IQCM: variants seen among roughly 807,000 people sequenced by gnomAD.
IQCM encodes the protein IQ domain-containing protein M.
In IQCM, 45 loss-of-function variants were observed where a neutral mutation model predicts 57.6. The ratio of observed to expected loss-of-function variants is 0.78; its 90% confidence interval spans 0.62 to 1.00. The LOEUF (loss-of-function observed/expected upper bound fraction) is 1.00. IQCM is among the 50% of genes least tolerant of loss of function. The pLI is 0.00. For synonymous variants in IQCM, 148 were observed against 158.9 expected, an observed-to-expected ratio of 0.93 and a Z score of 0.51; for missense variants, 468 against 511.6, an observed-to-expected ratio of 0.91 and a Z score of 0.82.
chr4:149,498,571 A>G (rs1227084736), intron 12 of IQCM, among the ~76,000 whole-genome samples: 2 of 152,126 alleles, frequency 1.3e-5, no homozygotes, highest in Non-Finnish European at 2.9e-5. Flanking sequence ...AGGAACTAAG[A>G]GGGGCTATGT....
chr4:149,368,779 T>TAC (rs1730035237), intron 13 of IQCM, among the ~76,000 whole-genome samples: 1 of 118,522 alleles, frequency 8.4e-6, no homozygotes, highest in Admixed American at 9.1e-5. Flanking sequence ...TACATATATA[T>TAC]ACATGTATAT....
chr4:149,642,812 T>C (rs904630716), intron 7 of IQCM, among the ~76,000 whole-genome samples: 1 of 152,156 alleles, frequency 6.6e-6, no homozygotes, highest in African/African-American at 2.4e-5. Flanking sequence ...AGTCTACTGG[T>C]TCATAAAATT....
intron 12 of IQCM, among the ~76,000 whole-genome samples, chr4:149,507,970 T>TA (rs903782513): frequency 2.6e-5 from 4 of 151,482 alleles, no homozygotes; most frequent in Admixed American, 6.6e-5. Flanking sequence ...CAGCTATAAC[T>TA]AAAAGGAGCC....
chr4:149,386,678 G>A (rs920299149), intron 13 of IQCM, among the ~76,000 whole-genome samples: 1 of 151,796 alleles, frequency 6.6e-6, no homozygotes, highest in African/African-American at 2.4e-5. Context: ...CAGTGTGTTT[G>A]GTTATGTCTT....
chr4:149,697,894 T>C (rs933507685), intron 5 of IQCM, among the ~76,000 whole-genome samples: 1 of 152,148 alleles, frequency 6.6e-6, no homozygotes, highest in Non-Finnish European at 1.5e-5. Context: ...TGGTATGTTA[T>C]GAGTTCTTTA....
intron 2 of IQCM, among the ~76,000 whole-genome samples, chr4:149,759,077 G>A (rs1033776781): frequency 5.5e-4 from 83 of 152,100 alleles, no homozygotes; most frequent in African/African-American, 1.5e-3. Flanking sequence ...ATTATTACTC[G>A]GTGCTAAAAA....
chr4:149,696,677 T>C (rs955298478), intron 5 of IQCM, among the ~76,000 whole-genome samples: 10 of 152,306 alleles, frequency 6.6e-5, no homozygotes, highest in African/African-American at 2.4e-4. Context: ...CTCTTGCTTA[T>C]GGTCCTTTGA....
intron 9 of IQCM, among the ~76,000 whole-genome samples, chr4:149,582,352 ATATATATATATATATATT>A (rs1752288137): frequency 2.5e-5 from 1 of 39,380 alleles, no homozygotes; most frequent in African/African-American, 8.1e-5. Context: ...ATATATATAT[ATATATATATATATATATT>A]TAGTTGAAAT....
In IQCM at chr4:149,809,751, G is replaced by A. The variant is rs560107276; in HGVS notation, c.-49+5560C>T. Among the ~76,000 whole-genome samples, 28 of 152,150 alleles carry A rather than the reference G, an allele frequency of 1.8e-4. No homozygotes were observed. The South Asian group carries it at 2.1e-3, about 11-fold the overall frequency. On this transcript the variant is annotated intron_variant, in intron 2 of 13. Coordinates refer to ENST00000636793, the MANE Select transcript of IQCM (RefSeq NM_001363507.2). ...ATGATGCATGAGAGGCATTACTTACGGAGTGGGAGCTATTTTGATCATAAA... is the reference window on the plus strand; with the variant it reads ...ATGATGCATGAGAGGCATTACTTACAGAGTGGGAGCTATTTTGATCATAAA...
chr4:149,398,392 T>C (rs1297975367), intron 13 of IQCM, among the ~76,000 whole-genome samples: 1 of 152,062 alleles, frequency 6.6e-6, no homozygotes, highest in Non-Finnish European at 1.5e-5. Context: ...TCTTTTTCTG[T>C]GAAAAATGTC....
At chr4:149,784,771 A>G (rs1416826256) in intron 2 of IQCM, among the ~76,000 whole-genome samples, 2 of 152,162 alleles carry the variant, frequency 1.3e-5, no homozygotes, top group Non-Finnish European at 1.5e-5. Context: ...TGAATGCTGT[A>G]TTGTCTCATT....
At chr4:149,487,755 T>C (rs905368201) in intron 12 of IQCM, among the ~76,000 whole-genome samples, 3 of 152,160 alleles carry the variant, frequency 2.0e-5, no homozygotes, top group African/African-American at 4.8e-5. Flanking sequence ...CACTGCACTC[T>C]CCTTCCTTAA....
At chr4:149,582,316 AT>A (rs1422004960) in intron 9 of IQCM, among the ~76,000 whole-genome samples, 2 of 2,578 alleles carry the variant, frequency 7.8e-4, no homozygotes, top group African/African-American at 3.0e-3. Context: ...ACATATATAT[AT>A]ATATATATAT....
At chr4:149,518,386 A>G (rs1261140251) in intron 12 of IQCM, among the ~76,000 whole-genome samples, 1 of 152,130 alleles carries the variant, frequency 6.6e-6, no homozygotes, top group Non-Finnish European at 1.5e-5. Context: ...CTAAAATATC[A>G]CTATTTAAGT....
intron 10 of IQCM, among the ~76,000 whole-genome samples, chr4:149,560,876 C>T (rs1422388173): frequency 6.6e-6 from 1 of 152,292 alleles, no homozygotes; most frequent in Non-Finnish European, 1.5e-5. Flanking sequence ...GGGACTGCCA[C>T]AGTTCTGACA....
intron 9 of IQCM, among the ~76,000 whole-genome samples, chr4:149,571,192 C>T (rs1203357472): frequency 6.6e-6 from 1 of 152,080 alleles, no homozygotes; most frequent in Admixed American, 6.6e-5. Flanking sequence ...AACTGCACCA[C>T]CGTGCTCACT....
At chr4:149,624,087 C>T (rs1579746678) in intron 7 of IQCM, among the ~76,000 whole-genome samples, 1 of 151,918 alleles carries the variant, frequency 6.6e-6, no homozygotes, top group East Asian at 2.0e-4. Flanking sequence ...CATATTGAGA[C>T]TTAAAAGTCT....
intron 12 of IQCM, among the ~76,000 whole-genome samples, chr4:149,541,376 T>C (rs1747831133): frequency 6.6e-6 from 1 of 152,108 alleles, no homozygotes; most frequent in East Asian, 1.9e-4. Flanking sequence ...GGCTCCTCAC[T>C]AAAAATGAAC....
At chr4:149,387,217 T>C (rs1413417824) in intron 13 of IQCM, among the ~76,000 whole-genome samples, 4 of 152,008 alleles carry the variant, frequency 2.6e-5, no homozygotes, top group African/African-American at 9.7e-5. Flanking sequence ...AGTCCTCACA[T>C]GATGGAAGGG....
Sources: allele counts gnomAD v4.1 joint callset (sites outside exome capture counted in the v4.1 genomes callset), GRCh38; gene constraint gnomAD v4.1.1; transcripts MANE v1.5; gene names NCBI Gene and HGNC (gene_info 2026-07-23, HGNC 2026-07-21).